The following PARN variants were observed in gnomAD, a reference collection of about 807,000 sequenced individuals.
PARN encodes the protein poly(A)-specific ribonuclease PARN.
Under a neutral mutation model 102.8 loss-of-function variants are expected in PARN, and 71 were observed. The ratio of observed to expected loss-of-function variants is 0.69; its 90% confidence interval spans 0.57 to 0.84. The LOEUF is 0.84. PARN is among the 40% of genes least tolerant of loss of function. The probability of loss-of-function intolerance (pLI) is 0.00; values close to 1 mark genes in which losing one functional copy is unlikely to be tolerated. For synonymous variants in PARN, 261 were observed against 252.9 expected (o/e 1.03, Z -0.30); for missense variants, 782 against 760.9 (o/e 1.03, Z -0.33).
chr16:14,506,521 G>C (rs1964902567), intron 21 of PARN, among the ~76,000 whole-genome samples: 1 of 152,146 alleles, frequency 6.6e-6, no homozygotes, highest in South Asian at 2.1e-4. Flanking sequence ...ATACTTCTAA[G>C]CAAACTGTTA....
intron 11 of PARN, 131 bp from the exon 12 acceptor site, chr16:14,600,091 C>T (rs752889373): frequency 3.9e-5 from 20 of 507,372 alleles, no homozygotes; most frequent in South Asian, 1.0e-4. Flanking sequence ...CTGTGCTTTG[C>T]GCCTATCTTC....
intron 5 of PARN, among the ~76,000 whole-genome samples, chr16:14,626,529 A>G (rs1396995005): frequency 6.6e-6 from 1 of 152,038 alleles, no homozygotes; most frequent in African/African-American, 2.4e-5. Context: ...TTACGAAACT[A>G]TGTTCTCAAA....
At chr16:14,444,862 C>T (rs370765799) in intron 23 of PARN, among the ~76,000 whole-genome samples, 12 of 152,168 alleles carry the variant, frequency 7.9e-5, no homozygotes, top group East Asian at 5.8e-4. Context: ...CTGTGTCCCC[C>T]AGGTTGGAGT....
intron 5 of PARN, among the ~76,000 whole-genome samples, chr16:14,619,529 T>C (rs375426812): frequency 1.4e-4 from 21 of 150,782 alleles, no homozygotes; most frequent in Non-Finnish European, 2.4e-4. Context: ...CTTTAGGAGA[T>C]GGTGGGAGGA....
intron 1 of PARN, 108 bp downstream of exon 1, chr16:14,629,999 G>A: frequency 9.9e-7 from 1 of 1,014,234 alleles, no homozygotes. Context: ...AGCCCTGAGG[G>A]GCTGCCTCAG....
Position 14,436,744 on chromosome 16 carries a change from T to C in PARN, c.1893A>G (p.Thr631=), listed in dbSNP as rs1015635077. ...ACCATGTGTCAGGAACTTCAAAGAG[T>C]GTGGCAGGGCTGTTCTTCGAGATGC... is the stretch of plus-strand genomic sequence containing the variant. ...AGSISKNSPA[T]LFEVPDTW The change falls in exon 24 of 24, where the codon ACA becomes ACG. Residue 631 remains threonine, a synonymous_variant. Coordinates refer to ENST00000437198, the MANE Select transcript of PARN (RefSeq NM_002582.4). The C allele has an allele frequency of 3.1e-6, 5 of 1,598,936 alleles. No individual in the cohort carries two copies. In the African/African-American group the frequency reaches 4.0e-5, roughly 13 times the overall value.
intron 12 of PARN, among the ~76,000 whole-genome samples, chr16:14,595,878 T>G (rs1596796520): frequency 1.3e-5 from 2 of 152,282 alleles, no homozygotes; most frequent in Admixed American, 1.3e-4. Flanking sequence ...TTGCCCAGGC[T>G]GGTCTTGAAC....
intron 22 of PARN, among the ~76,000 whole-genome samples, chr16:14,472,071 G>A (rs572229968): frequency 2.7e-4 from 41 of 152,300 alleles, no homozygotes; most frequent in Admixed American, 1.2e-3. Context: ...TCCAAGAGAT[G>A]TCAAAGGAAG....
intron 18 of PARN, among the ~76,000 whole-genome samples, chr16:14,563,091 G>C (rs910385893): frequency 2.0e-5 from 3 of 152,166 alleles, no homozygotes; most frequent in Non-Finnish European, 4.4e-5. Flanking sequence ...GAATACTTTG[G>C]ATGGAGACTC....
intron 18 of PARN, among the ~76,000 whole-genome samples, chr16:14,579,774 G>A (rs941311259): frequency 1.3e-5 from 2 of 152,048 alleles, no homozygotes; most frequent in African/African-American, 2.4e-5. Context: ...CAGGGAGTTC[G>A]AGAGAAGCCT....
At position 14,584,055 on chromosome 16, in the gene PARN, C is replaced by T. The variant is rs1321928844; in HGVS notation, c.1081+292G>A. ...AATAATGTATGAAAGAATAAAAGGG[C>T]ACATCAAGTTTTAGGAGAATTCCAT... On this transcript the variant is annotated intron_variant, in intron 16 of 23. Transcript: ENST00000437198. 2.0e-5 allele frequency among the ~76,000 whole-genome samples: 3 copies of T among 152,130 alleles called. No homozygotes were observed. In the East Asian group the frequency reaches 5.8e-4, roughly 29 times the overall value.
chr16:14,569,477 C>T (rs1345706989), intron 18 of PARN, among the ~76,000 whole-genome samples: 6 of 152,154 alleles, frequency 3.9e-5, no homozygotes, highest in South Asian at 2.1e-4. Context: ...TCAATCCAAC[C>T]GACCCACCCT....
intron 5 of PARN, among the ~76,000 whole-genome samples, chr16:14,625,959 A>G (rs1033827355): frequency 6.6e-6 from 1 of 152,232 alleles, no homozygotes; most frequent in East Asian, 1.9e-4. Context: ...CCATTACAAC[A>G]GATAATCAAA....
chr16:14,614,514 C>T (rs905304175), intron 6 of PARN, among the ~76,000 whole-genome samples: 1 of 152,096 alleles, frequency 6.6e-6, no homozygotes, highest in African/African-American at 2.4e-5. Context: ...CACAGAGGGG[C>T]AGCAGAGCTG....
intron 22 of PARN, among the ~76,000 whole-genome samples, chr16:14,459,850 TA>T (rs1961867390): frequency 6.6e-6 from 1 of 152,208 alleles, no homozygotes; most frequent in South Asian, 2.1e-4. Context: ...CCCATACGTA[TA>T]TGACCAAATG....
chr16:14,595,457 C>A (rs1421381226), intron 12 of PARN, among the ~76,000 whole-genome samples: 2 of 152,156 alleles, frequency 1.3e-5, no homozygotes, highest in East Asian at 3.9e-4. Context: ...CTCAAACTCC[C>A]ATGCTCAAGC....
chr16:14,593,672 T>C (rs1416122130), intron 12 of PARN, among the ~76,000 whole-genome samples: 1 of 151,894 alleles, frequency 6.6e-6, no homozygotes, highest in Non-Finnish European at 1.5e-5. Context: ...GAATCAGAAG[T>C]AGTAAAATTT....
At chr16:14,582,345 G>C in intron 16 of PARN, 54 bp from the exon 17 acceptor site, 1 of 1,144,040 alleles carries the variant, frequency 8.7e-7, no homozygotes, top group Non-Finnish European at 1.3e-6. Flanking sequence ...TAAGCACATT[G>C]CCCTACCAAT....
chr16:14,602,746 C>T (rs1418244688), intron 11 of PARN, among the ~76,000 whole-genome samples: 1 of 152,124 alleles, frequency 6.6e-6, no homozygotes, highest in African/African-American at 2.4e-5. Context: ...CCCTGTCACT[C>T]CTGGGAGGCT....
Sources: gnomAD v4.1 joint callset for allele counts (sites outside exome capture counted in the v4.1 genomes callset) on GRCh38, gnomAD v4.1.1 for gene constraint, MANE v1.5 for transcripts, NCBI Gene and HGNC (gene_info 2026-07-23, HGNC 2026-07-21) for gene names.